PDE9A: variants seen among roughly 807,000 people sequenced by gnomAD.
PDE9A encodes the protein high affinity cGMP-specific 3',5'-cyclic phosphodiesterase 9A.
A neutral mutation model predicts 87.4 loss-of-function variants in PDE9A; 60 were observed. That is an observed-to-expected ratio of 0.69 (90% CI 0.56 to 0.85). The LOEUF (loss-of-function observed/expected upper bound fraction) is 0.85. Among genes scored for constraint, PDE9A ranks in the 40% least tolerant of loss-of-function variants. The pLI is 0.00. For missense variants in PDE9A, 665 were observed against 779.0 expected (o/e 0.85, Z 1.74); for synonymous variants, 272 against 279.4 (o/e 0.97, Z 0.27).
Position 42,670,646 on chromosome 21 carries a change from A to G in PDE9A, c.70-15546A>G, listed in dbSNP as rs557159119. ...TCACACACACATACACTTACAAACT[A>G]TCATTCACACACATACACACATACA... is the stretch of plus-strand genomic sequence containing the variant. On this transcript the variant is annotated intron_variant, in intron 1 of 19. Transcript: ENST00000291539. 1.1e-4 allele frequency among the ~76,000 whole-genome samples: 16 copies of G among 149,942 alleles called. No individual in the cohort carries two copies. The East Asian group carries it at 2.6e-3, about 24-fold the overall frequency.
intron 15 of PDE9A, among the ~76,000 whole-genome samples, chr21:42,767,227 A>G (rs9325640): frequency 0.5 from 75,344 of 151,920 alleles, 19,750 homozygotes; most frequent in African/African-American, 0.67. Context: ...AGTGCGGGCC[A>G]GCGTGGGAGG....
intron 2 of PDE9A, 84 bp downstream of exon 2, chr21:42,686,346 CG>C: frequency 9.4e-7 from 1 of 1,067,424 alleles, no homozygotes; most frequent in East Asian, 2.4e-5. Context: ...CGGGAAGAGG[CG>C]CTGAAGGGCC....
chr21:42,720,961 C>T (rs1405306125), intron 4 of PDE9A, among the ~76,000 whole-genome samples: 2 of 151,434 alleles, frequency 1.3e-5, no homozygotes, highest in African/African-American at 2.4e-5. Context: ...GCTGAGATTT[C>T]GCCATTGCAT....
intron 18 of PDE9A, 45 bp from the exon 19 acceptor site, chr21:42,772,394 C>A: frequency 1.5e-6 from 2 of 1,291,494 alleles, no homozygotes; most frequent in Non-Finnish European, 2.2e-6. Context: ...CACTCCCCTG[C>A]TGTCTCCTGC....
In PDE9A at chr21:42,659,887, G is replaced by GCA. The variant is rs1400362205; in HGVS notation, c.69+6008_69+6009dup. ...GAGGTAAATCTAGCGCAGAGGAAGG[G>GCA]CACACTGTCCCCGTCAGACGCCTCA... On this transcript the variant is annotated intron_variant, in intron 1 of 19. Transcript: ENST00000291539. The surrounding 1 kb of genome is among the most constrained non-coding windows in gnomAD (Gnocchi z 4.1). Among the ~76,000 whole-genome samples the GCA allele has an allele frequency of 1.3e-5, 2 of 152,210 alleles. No homozygotes were observed. Among genetic ancestry groups the GCA allele is most frequent in the Non-Finnish European group, 2.9e-5 (2 of 68,032 alleles).
intron 4 of PDE9A, among the ~76,000 whole-genome samples, chr21:42,717,123 T>C (rs555505767): frequency 6.6e-6 from 1 of 151,528 alleles, no homozygotes; most frequent in Admixed American, 6.6e-5. Context: ...TTCCAGATAG[T>C]TTTTTAATAG....
intron 10 of PDE9A, chr21:42,757,690 C>CGGTCCCTGGTGTGGGACCTT (rs2055224210): frequency 1.3e-5 from 2 of 152,034 alleles, no homozygotes. Flanking sequence ...GCTGGGACCT[C>CGGTCCCTGGTGTGGGACCTT]GGTCCCTGGT....
At chr21:42,727,489 ATTTTTTTTTTTTT>A (rs58515760) in intron 4 of PDE9A, among the ~76,000 whole-genome samples, 2 of 88,340 alleles carry the variant, frequency 2.3e-5, no homozygotes, top group Admixed American at 2.9e-4. Flanking sequence ...ACGCCTGGCT[ATTTTTTTTTTTTT>A]TTTTTTTTTT....
intron 1 of PDE9A, among the ~76,000 whole-genome samples, chr21:42,664,382 C>T (rs2057816762): frequency 6.6e-6 from 1 of 152,190 alleles, no homozygotes; most frequent in Non-Finnish European, 1.5e-5. Flanking sequence ...CCTGATGGTG[C>T]TGCTGCATTG....
intron 1 of PDE9A, among the ~76,000 whole-genome samples, chr21:42,679,375 G>A (rs917502825): frequency 4.1e-5 from 6 of 145,422 alleles, no homozygotes; most frequent in African/African-American, 1.0e-4. Flanking sequence ...CACGCCTCGC[G>A]TTCAGCGGCT....
At chr21:42,769,281 A>C in intron 17 of PDE9A, 126 bp downstream of exon 17, 1 of 804,958 alleles carries the variant, frequency 1.2e-6, no homozygotes, top group Middle Eastern at 2.5e-4. Flanking sequence ...ACACACGTAC[A>C]CAGATACACA....
At chr21:42,680,056 G>A (rs1255483024) in intron 1 of PDE9A, among the ~76,000 whole-genome samples, 1 of 152,196 alleles carries the variant, frequency 6.6e-6, no homozygotes, top group Non-Finnish European at 1.5e-5. Context: ...AGGAGCCTGG[G>A]CGGGCCTGGG....
chr21:42,724,583 A>G (rs2050848089), intron 4 of PDE9A: 2 of 985,208 alleles, frequency 2.0e-6, no homozygotes, highest in Admixed American at 6.1e-5. Flanking sequence ...TGCATTATCT[A>G]AAGAGGCGGT....
At chr21:42,762,307 CA>C in intron 14 of PDE9A, 68 bp downstream of exon 14, 1 of 1,520,840 alleles carries the variant, frequency 6.6e-7, no homozygotes, top group Non-Finnish European at 9.0e-7. Flanking sequence ...CCCCACTCTC[CA>C]TTGGCTGGAA....
At chr21:42,764,646 T>G (rs2056188938) in intron 14 of PDE9A, among the ~76,000 whole-genome samples, 2 of 152,230 alleles carry the variant, frequency 1.3e-5, no homozygotes, top group Admixed American at 1.3e-4. Flanking sequence ...ACACCAGCAT[T>G]GGCCTGCTTC....
rs946155057 is a variant in PDE9A at position 42,760,144 on chromosome 21, C to T, written c.898-184C>T. On this transcript the variant is annotated intron_variant, in intron 11 of 19. Coordinates refer to ENST00000291539, the MANE Select transcript of PDE9A (RefSeq NM_002606.3). The surrounding 1 kb of genome is among the most constrained non-coding windows in gnomAD (Gnocchi z 5.2). ...GGGTGCCGTGGTGTGGCCCGCTGGACGTTCTCAGGGTCCCTGTGTCACCTC... is the reference window on the plus strand; with the variant it reads ...GGGTGCCGTGGTGTGGCCCGCTGGATGTTCTCAGGGTCCCTGTGTCACCTC... 6.6e-5 allele frequency among the ~76,000 whole-genome samples: 10 copies of T among 152,064 alleles called. No individual in the cohort carries two copies. Among genetic ancestry groups the T allele is most frequent in the Non-Finnish European group, 1.0e-4 (7 of 68,000 alleles).
At position 42,660,703 on chromosome 21, in the gene PDE9A, C is replaced by T. The variant is rs575717074; in HGVS notation, c.69+6820C>T. On this transcript the variant is annotated intron_variant, in intron 1 of 19. Transcript: ENST00000291539. This position sits in a 1 kb window ranked among gnomAD's most constrained non-coding sequence, Gnocchi z 4.7. ...GGTCCATCTGCAGGAGTTGGAGGAG[C>T]GCATGCCTGTATTCCTGGCACTGCG... 9.1e-4 allele frequency among the ~76,000 whole-genome samples: 138 copies of T among 152,138 alleles called. 1 individual carries two copies. Among genetic ancestry groups the T allele is most frequent in the African/African-American group, 3.1e-3 (129 of 41,490 alleles).
rs1399464880 is a variant in PDE9A at position 42,702,163 on chromosome 21, T to A, written c.262+3152T>A. ...ACACTGTTTCTTTCTTTCCAGACCT[T>A]TTTTTCTGTTTGCTTTATTTTTCTT... On this transcript the variant is annotated intron_variant, in intron 4 of 19. Coordinates refer to ENST00000291539, the MANE Select transcript of PDE9A (RefSeq NM_002606.3). The surrounding 1 kb of genome is among the most constrained non-coding windows in gnomAD (Gnocchi z 4.9). 6.6e-6 allele frequency among the ~76,000 whole-genome samples: 1 copy of A among 152,008 alleles called. No homozygotes were observed. The highest frequency in any genetic ancestry group is 1.5e-5 in the Non-Finnish European group (1 of 67,984).
intron 3 of PDE9A, among the ~76,000 whole-genome samples, chr21:42,693,697 A>G (rs2059996294): frequency 6.8e-6 from 1 of 146,634 alleles, no homozygotes; most frequent in South Asian, 2.1e-4. Context: ...GGTTCCAGGG[A>G]TTCTCCTGCC....
Sources: allele counts gnomAD v4.1 joint callset (sites outside exome capture counted in the v4.1 genomes callset), GRCh38; gene constraint gnomAD v4.1.1; non-coding constraint Gnocchi (gnomAD v3.1); transcripts MANE v1.5; gene names NCBI Gene and HGNC (gene_info 2026-07-23, HGNC 2026-07-21).